Variants in PRR16 observed in about 807,000 individuals in gnomAD.
PRR16 encodes proline rich 16.
A neutral mutation model predicts 18.2 loss-of-function variants in PRR16; 6 were observed. That is an observed-to-expected ratio of 0.33 (90% CI 0.18 to 0.65). The LOEUF (loss-of-function observed/expected upper bound fraction) is 0.65, where lower values mean the gene tolerates loss of function less well. Ranked by LOEUF, PRR16 falls within the 30% of genes least tolerant of loss-of-function variation. The pLI is 0.74. For synonymous variants in PRR16, 151 were observed against 147.8 expected (o/e 1.02, Z -0.16); for missense variants, 412 against 376.6 (o/e 1.09, Z -0.78).
intron 1 of PRR16, among the ~76,000 whole-genome samples, chr5:120,589,547 G>T (rs573997722): frequency 1.3e-5 from 2 of 152,106 alleles, no homozygotes; most frequent in Non-Finnish European, 2.9e-5. Flanking sequence ...AGACTGGGAG[G>T]ATAAAAGAGG....
the PRR16 span, among the ~76,000 whole-genome samples, chr5:120,757,222 T>C: frequency 6.6e-6 from 1 of 152,098 alleles, no homozygotes; most frequent in Non-Finnish European, 1.5e-5. Flanking sequence ...TACTGTAGCC[T>C]TATAGTACAG....
the PRR16 span, among the ~76,000 whole-genome samples, chr5:120,746,301 G>A: frequency 6.6e-6 from 1 of 152,078 alleles, no homozygotes; most frequent in Admixed American, 6.6e-5. Context: ...TCCTAGTCCT[G>A]TTATTGTTCC....
intron 1 of PRR16, among the ~76,000 whole-genome samples, chr5:120,639,394 C>G (rs1028221006): frequency 2.0e-5 from 3 of 151,904 alleles, no homozygotes; most frequent in African/African-American, 7.3e-5. Flanking sequence ...ATTCTATTTT[C>G]TTTTATCATT....
At chr5:120,602,435 A>G (rs570957193) in intron 1 of PRR16, among the ~76,000 whole-genome samples, 1 of 152,074 alleles carries the variant, frequency 6.6e-6, no homozygotes, top group Non-Finnish European at 1.5e-5. Flanking sequence ...TCTTTACTGA[A>G]GTTGTTTATC....
chr5:120,774,095 T>C, the PRR16 span, among the ~76,000 whole-genome samples: 1 of 152,232 alleles, frequency 6.6e-6, no homozygotes, highest in Non-Finnish European at 1.5e-5. Context: ...TATGAAAATA[T>C]CAGTTTCTCA....
chr5:120,511,353 C>T (rs947899301), intron 1 of PRR16, among the ~76,000 whole-genome samples: 1 of 152,112 alleles, frequency 6.6e-6, no homozygotes, highest in African/African-American at 2.4e-5. Context: ...TGAGAATGTT[C>T]ATTTTCCACA....
the PRR16 span, among the ~76,000 whole-genome samples, chr5:120,759,968 C>T: frequency 2.2e-4 from 33 of 152,118 alleles, no homozygotes; most frequent in African/African-American, 7.5e-4. Flanking sequence ...TAATATTGCT[C>T]TCTGAAGGGG....
At chr5:120,608,872 T>C (rs1317815403) in intron 1 of PRR16, among the ~76,000 whole-genome samples, 1 of 152,090 alleles carries the variant, frequency 6.6e-6, no homozygotes, top group African/African-American at 2.4e-5. Flanking sequence ...TAAACTGAGG[T>C]CTTCATTTCC....
rs139009894 is a variant in PRR16, at chr5:120,592,966, A to G, written c.160-92988A>G. ...CAATTTCTCTTTTAATTACTAACTT[A>G]AGAAATAACTTTGTTACCCATACCA... On this transcript the variant is annotated intron_variant, in intron 1 of 1. Transcript: ENST00000407149. Among the ~76,000 whole-genome samples, 17 of 152,242 alleles carry G rather than the reference A, an allele frequency of 1.1e-4. No individual in the cohort carries two copies. The East Asian group carries it at 3.3e-3, about 29-fold the overall frequency.
chr5:120,517,784 A>G (rs1201400412), intron 1 of PRR16, among the ~76,000 whole-genome samples: 3 of 152,132 alleles, frequency 2.0e-5, no homozygotes, highest in African/African-American at 4.8e-5. Context: ...GGGAGGGGCC[A>G]GTGTGAAGTG....
intron 1 of PRR16, among the ~76,000 whole-genome samples, chr5:120,560,732 C>A (rs1376236012): frequency 3.3e-5 from 5 of 151,578 alleles, no homozygotes; most frequent in Non-Finnish European, 7.4e-5. Flanking sequence ...AAATGTTTGG[C>A]AGAATTCAGC....
chr5:120,753,986 A>G, the PRR16 span, among the ~76,000 whole-genome samples: 4 of 120,622 alleles, frequency 3.3e-5, no homozygotes, highest in Non-Finnish European at 6.6e-5. Context: ...AATATAATAT[A>G]TAACATATAT....
At chr5:120,601,516 G>T (rs1316311922) in intron 1 of PRR16, among the ~76,000 whole-genome samples, 2 of 151,974 alleles carry the variant, frequency 1.3e-5, no homozygotes, top group Admixed American at 6.6e-5. Context: ...TCTATGCGTT[G>T]ACTGTTTACT....
At chr5:120,555,531 G>C (rs543482555) in intron 1 of PRR16, among the ~76,000 whole-genome samples, 1 of 151,394 alleles carries the variant, frequency 6.6e-6, no homozygotes, top group South Asian at 2.1e-4. Context: ...GTGTGGGAGA[G>C]ATAGAGAGAG....
intron 1 of PRR16, among the ~76,000 whole-genome samples, chr5:120,648,887 G>A (rs868742910): frequency 6.6e-6 from 1 of 152,076 alleles, no homozygotes; most frequent in Middle Eastern, 3.2e-3. Context: ...AGATGCACAA[G>A]AGCACACCTT....
At chr5:120,665,454 T>G (rs2150141590) in intron 1 of PRR16, among the ~76,000 whole-genome samples, 1 of 152,240 alleles carries the variant, frequency 6.6e-6, no homozygotes, top group South Asian at 2.1e-4. Flanking sequence ...AGAAGCTCTT[T>G]AGTTTAATTA....
intron 1 of PRR16, among the ~76,000 whole-genome samples, chr5:120,535,483 A>G (rs558377964): frequency 1.3e-5 from 2 of 152,324 alleles, no homozygotes; most frequent in South Asian, 2.1e-4. Flanking sequence ...ACATATAACA[A>G]CAACACACTT....
At chr5:120,617,369 T>G (rs1367552687) in intron 1 of PRR16, among the ~76,000 whole-genome samples, 4 of 152,210 alleles carry the variant, frequency 2.6e-5, no homozygotes, top group Non-Finnish European at 5.9e-5. Flanking sequence ...ATAACATGAT[T>G]AACACTCACA....
chr5:120,753,734 T>C, the PRR16 span, among the ~76,000 whole-genome samples: 7 of 148,798 alleles, frequency 4.7e-5, no homozygotes, highest in East Asian at 7.8e-4. Context: ...ATATGAGATA[T>C]ATAATATCAT....
Sources: allele counts gnomAD v4.1 joint callset (sites outside exome capture counted in the v4.1 genomes callset), GRCh38; gene constraint gnomAD v4.1.1; transcripts MANE v1.5; gene names NCBI Gene and HGNC (gene_info 2026-07-23, HGNC 2026-07-21).